ABCG2: variants seen among roughly 807,000 people sequenced by gnomAD.
ABCG2 encodes ATP binding cassette subfamily G member 2 (JR blood group).
A neutral mutation model predicts 73.5 loss-of-function variants in ABCG2; 80 were observed. The observed-to-expected ratio is 1.09, with a 90% CI of 0.91 to 1.31. The LOEUF is 1.31. ABCG2 is among the 50% of genes most tolerant of loss of function. ABCG2 has a pLI of 0.00. For missense variants in ABCG2, 796 were observed against 786.2 expected (o/e 1.01, Z -0.15); for synonymous variants, 269 against 282.4 (o/e 0.95, Z 0.48).
chr4:88,100,916 T>C (rs988392113), intron 11 of ABCG2, among the ~76,000 whole-genome samples: 10 of 152,298 alleles, frequency 6.6e-5, no homozygotes, highest in African/African-American at 2.2e-4. Flanking sequence ...TCTCCAACAT[T>C]TGGATTTTCT....
intron 1 of ABCG2, among the ~76,000 whole-genome samples, chr4:88,190,148 T>A (rs1428926931): frequency 6.6e-6 from 1 of 152,166 alleles, no homozygotes; most frequent in Non-Finnish European, 1.5e-5. Context: ...TTGTTGGGTT[T>A]CTTTTTTCTT....
At chr4:88,107,613 G>GC (rs1722848653) in intron 9 of ABCG2, among the ~76,000 whole-genome samples, 1 of 152,180 alleles carries the variant, frequency 6.6e-6, no homozygotes, top group Non-Finnish European at 1.5e-5. Context: ...GCAGAGCAAT[G>GC]CAAGTATGTA....
At chr4:88,211,373 A>G (rs925155694) in intron 1 of ABCG2, among the ~76,000 whole-genome samples, 2 of 17,192 alleles carry the variant, frequency 1.2e-4, no homozygotes, top group Non-Finnish European at 2.2e-4. Flanking sequence ...ACCCCCCCCC[A>G]CTTTTGGAGA....
intron 5 of ABCG2, among the ~76,000 whole-genome samples, chr4:88,129,231 A>ACC (rs1724665903): frequency 6.6e-6 from 1 of 152,110 alleles, no homozygotes; most frequent in Non-Finnish European, 1.5e-5. Context: ...CCCCATATAT[A>ACC]CCTAAGGTTA....
At chr4:88,132,541 A>C in intron 3 of ABCG2, 35 bp downstream of exon 3, 1 of 1,611,512 alleles carries the variant, frequency 6.2e-7, no homozygotes, top group Non-Finnish European at 8.5e-7. Context: ...TTAAAAGTGC[A>C]CAGAAAACGC....
At chr4:88,169,764 T>C (rs1253795911) in intron 1 of ABCG2, among the ~76,000 whole-genome samples, 3 of 152,102 alleles carry the variant, frequency 2.0e-5, no homozygotes, top group Admixed American at 1.3e-4. Flanking sequence ...TTAAGCAATG[T>C]TTTTTTGAGG....
chr4:88,131,463 C>T (rs1423946019), intron 4 of ABCG2, among the ~76,000 whole-genome samples: 3 of 152,198 alleles, frequency 2.0e-5, no homozygotes, highest in Non-Finnish European at 4.4e-5. Context: ...TACCAGCAGA[C>T]ATTTCCAAAC....
intron 7 of ABCG2, among the ~76,000 whole-genome samples, chr4:88,116,503 G>A (rs1189719106): frequency 6.6e-6 from 1 of 150,948 alleles, no homozygotes; most frequent in African/African-American, 2.5e-5. Context: ...GATGCAGACC[G>A]CACAAGCCAT....
At chr4:88,117,280 A>C (rs1723642911) in intron 7 of ABCG2, among the ~76,000 whole-genome samples, 1 of 151,678 alleles carries the variant, frequency 6.6e-6, no homozygotes, top group Non-Finnish European at 1.5e-5. Flanking sequence ...AGATTGTGCC[A>C]CTGCACTCCA....
At chr4:88,181,339 G>GCA (rs909917946) in intron 1 of ABCG2, among the ~76,000 whole-genome samples, 52 of 145,974 alleles carry the variant, frequency 3.6e-4, no homozygotes, top group African/African-American at 1.1e-3. Flanking sequence ...GGCAGAGGTT[G>GCA]CAGTGAGCCA....
chr4:88,154,765 T>C (rs1170165927), intron 1 of ABCG2, among the ~76,000 whole-genome samples: 6 of 152,076 alleles, frequency 3.9e-5, no homozygotes, highest in South Asian at 2.1e-4. Flanking sequence ...AGAGTGAGTA[T>C]AGCTGGAGGA....
At chr4:88,165,374 A>T (rs1031123969) in intron 1 of ABCG2, among the ~76,000 whole-genome samples, 5 of 152,144 alleles carry the variant, frequency 3.3e-5, no homozygotes, top group Admixed American at 2.0e-4. Context: ...TCCTTTCTGG[A>T]ACCTTTTCAA....
At chr4:88,220,212 CA>C (rs1311103010) in intron 1 of ABCG2, among the ~76,000 whole-genome samples, 1 of 152,202 alleles carries the variant, frequency 6.6e-6, no homozygotes, top group African/African-American at 2.4e-5. Flanking sequence ...TTTGTTTATT[CA>C]TTCAACAGTT....
intron 3 of ABCG2, 110 bp from the exon 4 acceptor site, chr4:88,132,027 C>G: frequency 1.6e-6 from 1 of 625,780 alleles, no homozygotes; most frequent in South Asian, 2.8e-5. Context: ...TACTTTGAAT[C>G]CAAATTCTAC....
chr4:88,161,970 C>A (rs1351219547), upstream of ABCG2, among the ~76,000 whole-genome samples: 1 of 150,672 alleles, frequency 6.6e-6, no homozygotes, highest in Non-Finnish European at 1.5e-5. Flanking sequence ...TAAATGTCTT[C>A]TTTTGAGAAG....
chr4:88,224,319 T>TC (rs1383504311), intron 1 of ABCG2, among the ~76,000 whole-genome samples: 7 of 152,100 alleles, frequency 4.6e-5, no homozygotes, highest in Admixed American at 4.6e-4. Context: ...GTGCCTGTAG[T>TC]CCCAGCTCCT....
At chr4:88,192,752 C>T (rs910947480) in intron 1 of ABCG2, among the ~76,000 whole-genome samples, 7 of 148,242 alleles carry the variant, frequency 4.7e-5, no homozygotes, top group African/African-American at 1.8e-4. Context: ...TGCTCTGTTG[C>T]CCAGGTTGGA....
At chr4:88,145,851 C>T (rs1725962225) in intron 1 of ABCG2, among the ~76,000 whole-genome samples, 2 of 151,900 alleles carry the variant, frequency 1.3e-5, no homozygotes, top group African/African-American at 4.8e-5. Context: ...AGGAGAATCG[C>T]TTGAATTCAG....
At position 88,139,980 on chromosome 4, in the gene ABCG2, C is replaced by T; in HGVS notation, c.16G>A (p.Val6Ile). 2 of 1,613,962 alleles carry T rather than the reference C, an allele frequency of 1.2e-6. No individual in the cohort carries two copies. Among genetic ancestry groups the T allele is most frequent in the Non-Finnish European group, 1.7e-6 (2 of 1,179,974 alleles). Residue 6 changes from valine (V) to isoleucine (I), a missense_variant, in exon 2 of 16, where the codon GTC becomes ATC. By Grantham distance (29) the Val-to-Ile change is conservative. Transcript: ENST00000237612. MSSSN[V>I]EVFIPVSQGN... ...TGTGACACTGGGATAAAAACTTCGA[C>T]ATTACTGGAAGACATCTGGAGAGTT...
Sources: gnomAD v4.1 joint callset for allele counts (sites outside exome capture counted in the v4.1 genomes callset) on GRCh38, gnomAD v4.1.1 for gene constraint, MANE v1.5 for transcripts, NCBI Gene and HGNC (gene_info 2026-07-23, HGNC 2026-07-21) for gene names.